Variants in HSPA12A observed in about 807,000 individuals in gnomAD.
HSPA12A encodes heat shock protein family A (Hsp70) member 12A, also known as heat shock 70 kDa protein 12A.
In HSPA12A, 28 loss-of-function variants were observed where a neutral mutation model predicts 69.2. The ratio of observed to expected loss-of-function variants is 0.40; its 90% confidence interval spans 0.30 to 0.55. The LOEUF is 0.55. Among genes scored for constraint, HSPA12A ranks in the 20% least tolerant of loss-of-function variants. The probability of loss-of-function intolerance (pLI) is 0.38; values close to 1 mark genes in which losing one functional copy is unlikely to be tolerated. For synonymous variants in HSPA12A, 345 were observed against 370.5 expected (o/e 0.93, Z 0.79); for missense variants, 686 against 900.7 (o/e 0.76, Z 3.05).
At chr10:116,694,415 T>C (rs767568086) in intron 5 of HSPA12A, among the ~76,000 whole-genome samples, 7 of 152,352 alleles carry the variant, frequency 4.6e-5, no homozygotes, top group Non-Finnish European at 1.0e-4. Flanking sequence ...GCATATTCCC[T>C]GCTGGGAGGA....
At chr10:116,740,961 T>TAAAAA (rs5788190) in intron 1 of HSPA12A, among the ~76,000 whole-genome samples, 1 of 84,708 alleles carries the variant, frequency 1.2e-5, no homozygotes, top group Non-Finnish European at 2.2e-5. Flanking sequence ...AGGAAAAAAG[T>TAAAAA]AAAAAAAAAA....
chr10:116,685,460 C>A (rs941154816), intron 6 of HSPA12A, among the ~76,000 whole-genome samples: 1 of 151,368 alleles, frequency 6.6e-6, no homozygotes, highest in Non-Finnish European at 1.5e-5. Context: ...GATGGTGAAA[C>A]CCCGTCTCTA....
intron 2 of HSPA12A, among the ~76,000 whole-genome samples, chr10:116,800,113 T>A (rs567609336): frequency 3.9e-5 from 6 of 152,148 alleles, no homozygotes; most frequent in Non-Finnish European, 5.9e-5. Flanking sequence ...AAATGAGAGA[T>A]GAACAAGCTG....
chr10:116,681,926 A>C, intron 7 of HSPA12A, 49 bp from the exon 8 acceptor site: 1 of 1,563,788 alleles, frequency 6.4e-7, no homozygotes, highest in Non-Finnish European at 8.8e-7. Flanking sequence ...AGCATGAAAA[A>C]GCAGAGATCA....
intron 11 of HSPA12A, among the ~76,000 whole-genome samples, chr10:116,676,063 C>G (rs1379112885): frequency 1.3e-5 from 2 of 152,248 alleles, no homozygotes; most frequent in Non-Finnish European, 2.9e-5. Flanking sequence ...CTCAGAGCTT[C>G]CAGCTCTCTG....
upstream of HSPA12A, among the ~76,000 whole-genome samples, chr10:116,743,352 C>G (rs549445995): frequency 8.6e-4 from 131 of 152,334 alleles, no homozygotes; most frequent in African/African-American, 3.0e-3. Context: ...GCCAGGCACC[C>G]CCTGGGTCCG....
chr10:116,806,654 T>C (rs981838837), intron 2 of HSPA12A, among the ~76,000 whole-genome samples: 7 of 152,186 alleles, frequency 4.6e-5, no homozygotes, highest in African/African-American at 1.7e-4. Context: ...AGGATCAGTA[T>C]CTACTTAAAG....
chr10:116,728,096 C>A (rs1851032698), intron 1 of HSPA12A, among the ~76,000 whole-genome samples: 1 of 152,106 alleles, frequency 6.6e-6, no homozygotes, highest in Non-Finnish European at 1.5e-5. Flanking sequence ...GCATGAGCCA[C>A]CGCGCTTGGC....
intron 1 of HSPA12A, among the ~76,000 whole-genome samples, chr10:116,718,936 C>A (rs1370307749): frequency 1.3e-5 from 2 of 151,826 alleles, no homozygotes; most frequent in South Asian, 4.2e-4. Flanking sequence ...ATTTATGAAT[C>A]GACACGAGAT....
intron 2 of HSPA12A, among the ~76,000 whole-genome samples, chr10:116,815,803 A>G (rs1845292505): frequency 6.6e-6 from 1 of 152,130 alleles, no homozygotes; most frequent in Non-Finnish European, 1.5e-5. Flanking sequence ...TGCTGTTGAC[A>G]AGGCTCAAAA....
chr10:116,809,175 G>C (rs1845127533), intron 2 of HSPA12A, among the ~76,000 whole-genome samples: 2 of 152,142 alleles, frequency 1.3e-5, no homozygotes, highest in Admixed American at 6.5e-5. Flanking sequence ...CTGGCTCAGG[G>C]GCAGAGGCTT....
intron 2 of HSPA12A, among the ~76,000 whole-genome samples, chr10:116,791,838 T>C (rs1213612016): frequency 6.6e-6 from 1 of 151,992 alleles, no homozygotes; most frequent in African/African-American, 2.4e-5. Flanking sequence ...GAATCTTCCA[T>C]CTCGGTAAAC....
chr10:116,811,586 A>G (rs1845185974), intron 2 of HSPA12A, among the ~76,000 whole-genome samples: 1 of 151,024 alleles, frequency 6.6e-6, no homozygotes, highest in Admixed American at 6.6e-5. Context: ...TGTTAAAAAA[A>G]AAAAAAAAAA....
At position 116,742,498 on chromosome 10, in the gene HSPA12A, G is replaced by A. The variant is rs1554887350; in HGVS notation, c.-29C>T. The A allele has an allele frequency of 1.6e-6, 2 of 1,286,832 alleles. No individual in the cohort carries two copies. The highest frequency in any genetic ancestry group is 4.0e-5 in the Admixed American group (1 of 24,782). The allele number at this position is 1,286,832 out of a possible 1,614,324, so 79.7% of individuals were successfully genotyped here. On this transcript the variant is annotated 5_prime_UTR_variant, in exon 1 of 12. Transcript: ENST00000369209. ...CGCGCAGCCCCGGACCGCGAGGGGA[G>A]CCTCCAGCGCAGCGCCCGTGCCCGT... is the stretch of plus-strand genomic sequence containing the variant.
intron 7 of HSPA12A, among the ~76,000 whole-genome samples, chr10:116,682,867 ATTTTTT>A (rs60393392): frequency 2.3e-4 from 27 of 117,688 alleles, no homozygotes; most frequent in African/African-American, 9.1e-4. Flanking sequence ...CGCCCGGCTA[ATTTTTT>A]TTTTTTTTTT....
At chr10:116,801,564 C>A (rs1844954863) in intron 2 of HSPA12A, among the ~76,000 whole-genome samples, 1 of 152,080 alleles carries the variant, frequency 6.6e-6, no homozygotes, top group Non-Finnish European at 1.5e-5. Context: ...TGCACTGGAT[C>A]TAAATTCAAG....
At chr10:116,763,864 T>C (rs1844023439) in intron 2 of HSPA12A, among the ~76,000 whole-genome samples, 1 of 152,212 alleles carries the variant, frequency 6.6e-6, no homozygotes, top group African/African-American at 2.4e-5. Context: ...AGCCACTGGT[T>C]GGAAGCTGGG....
chr10:116,812,927 TC>T (rs1276404819), intron 2 of HSPA12A, among the ~76,000 whole-genome samples: 1 of 152,060 alleles, frequency 6.6e-6, no homozygotes. Flanking sequence ...AACAACACAC[TC>T]CCACTTTCCA....
At chr10:116,783,720 TG>T (rs1182364208) in intron 2 of HSPA12A, among the ~76,000 whole-genome samples, 4 of 152,208 alleles carry the variant, frequency 2.6e-5, no homozygotes, top group Admixed American at 2.6e-4. Context: ...CCACCATTTA[TG>T]GGTATTTTTT....
Sources: allele counts gnomAD v4.1 joint callset (sites outside exome capture counted in the v4.1 genomes callset), GRCh38; gene constraint gnomAD v4.1.1; transcripts MANE v1.5; gene names NCBI Gene and HGNC (gene_info 2026-07-23, HGNC 2026-07-21).